NRIP1: variants seen among roughly 807,000 people sequenced by gnomAD.
NRIP1 encodes the protein nuclear receptor interacting protein 1, also known as nuclear receptor-interacting protein 1.
NRIP1 carries 28 observed loss-of-function variants against 75.0 expected under a neutral mutation model. The ratio of observed to expected loss-of-function variants is 0.37; its 90% CI spans 0.28 to 0.51. NRIP1 has a LOEUF of 0.51. Ranked by LOEUF, NRIP1 falls within the 20% of genes least tolerant of loss-of-function variation. The probability of loss-of-function intolerance (pLI) is 0.92; values close to 1 mark genes in which losing one functional copy is unlikely to be tolerated. For missense variants in NRIP1, 1,435 were observed against 1,343.7 expected (o/e 1.07, Z -1.06); for synonymous variants, 526 against 487.6 (o/e 1.08, Z -1.04).
intron 2 of NRIP1, among the ~76,000 whole-genome samples, chr21:15,027,435 AC>A (rs776223764): frequency 2.0e-5 from 3 of 152,228 alleles, no homozygotes; most frequent in Non-Finnish European, 4.4e-5. Flanking sequence ...AATAATTTTC[AC>A]ACATGAACAA....
intron 3 of NRIP1, among the ~76,000 whole-genome samples, chr21:14,980,809 ATAAAT>A (rs1449187168): frequency 6.6e-6 from 1 of 152,148 alleles, no homozygotes; most frequent in African/African-American, 2.4e-5. Context: ...CATATTTTTG[ATAAAT>A]TAAATACCTT....
chr21:15,017,009 T>TGAAG (rs202130112), intron 2 of NRIP1, among the ~76,000 whole-genome samples: 35 of 149,726 alleles, frequency 2.3e-4, no homozygotes, highest in East Asian at 9.8e-4. Context: ...AAGAAAAGAA[T>TGAAG]GAAGGAAGGA....
intron 1 of NRIP1, among the ~76,000 whole-genome samples, chr21:15,047,299 T>TG (rs1463411350): frequency 6.6e-6 from 1 of 151,236 alleles, no homozygotes; most frequent in Non-Finnish European, 1.5e-5. Flanking sequence ...TCCAGCACTT[T>TG]GGGAGGCCGA....
At chr21:15,000,323 G>A (rs1272308845) in intron 3 of NRIP1, among the ~76,000 whole-genome samples, 2 of 152,146 alleles carry the variant, frequency 1.3e-5, no homozygotes, top group Non-Finnish European at 2.9e-5. Context: ...AGGGGAAGGT[G>A]GTTGAGGATT....
At chr21:14,998,984 GT>G (rs1453829729) in intron 3 of NRIP1, among the ~76,000 whole-genome samples, 1 of 152,100 alleles carries the variant, frequency 6.6e-6, no homozygotes, top group African/African-American at 2.4e-5. Flanking sequence ...GTATTCACAA[GT>G]TTATTCCAGT....
chr21:15,009,863 A>G (rs1481320902), intron 3 of NRIP1, among the ~76,000 whole-genome samples: 5 of 152,228 alleles, frequency 3.3e-5, no homozygotes, highest in East Asian at 1.9e-4. Flanking sequence ...TAAAAAGACA[A>G]TAAAAGTGAG....
intron 1 of NRIP1, among the ~76,000 whole-genome samples, chr21:15,046,292 T>C (rs546439005): frequency 1.8e-4 from 28 of 152,246 alleles, no homozygotes; most frequent in Admixed American, 1.8e-3. Context: ...ATAGATGTTG[T>C]ATTAGCAGCC....
chr21:15,025,255 A>G (rs2088488712), intron 2 of NRIP1, among the ~76,000 whole-genome samples: 1 of 152,144 alleles, frequency 6.6e-6, no homozygotes, highest in African/African-American at 2.4e-5. Context: ...AAGTAACACT[A>G]AGGATCATGG....
chr21:15,034,492 T>C (rs985388294), intron 2 of NRIP1, among the ~76,000 whole-genome samples: 13 of 152,194 alleles, frequency 8.5e-5, no homozygotes, highest in Non-Finnish European at 1.5e-4. Context: ...GAAAACTGTT[T>C]TCCTGGGGGG....
chr21:14,973,440 G>A (rs1428848213), intron 3 of NRIP1, among the ~76,000 whole-genome samples: 1 of 151,842 alleles, frequency 6.6e-6, no homozygotes. Context: ...CATCTTTTAT[G>A]AACACTAAAA....
Position 14,963,158 on chromosome 21 carries a change from C to T in NRIP1, c.*1558G>A, listed in dbSNP as rs1219496345. 3 of 152,332 alleles carry T rather than the reference C, an allele frequency of 2.0e-5. No homozygotes were observed. Among genetic ancestry groups the T allele is most frequent in the South Asian group, 4.1e-4 (2 of 4,830 alleles). 9.4% of individuals were successfully genotyped at this position (152,332 alleles called of 1,614,324 possible). On this transcript the variant is annotated 3_prime_UTR_variant, in exon 4 of 4. Coordinates refer to ENST00000318948, the MANE Select transcript of NRIP1 (RefSeq NM_003489.4). ...TACAATTCTGTCACGTATATGTGCC[C>T]TTTGTACTTTTTATTTAGTCAATCT... is the stretch of plus-strand genomic sequence containing the variant.
At position 15,032,867 on chromosome 21, in the gene NRIP1, ATAAAG is replaced by A. The variant is rs376524704; in HGVS notation, c.-458+10623_-458+10627del. 4.6e-5 allele frequency among the ~76,000 whole-genome samples: 7 copies of A among 152,372 alleles called. No homozygotes were observed. The East Asian group carries it at 1.3e-3, about 29-fold the overall frequency. The stretch of plus-strand genomic sequence containing the variant: ...GATGTAAAAATGATTTTACAAAAAT[ATAAAG>A]TAGTCTGTTTGATTTCAAATATGGT... On this transcript the variant is annotated intron_variant, in intron 2 of 3. Coordinates refer to ENST00000318948, the MANE Select transcript of NRIP1 (RefSeq NM_003489.4).
chr21:14,981,324 C>T (rs2087226656), intron 3 of NRIP1, among the ~76,000 whole-genome samples: 1 of 152,148 alleles, frequency 6.6e-6, no homozygotes. Flanking sequence ...TCTTATTTGC[C>T]CATCTATCCA....
intron 3 of NRIP1, among the ~76,000 whole-genome samples, chr21:15,005,835 T>A (rs143883819): frequency 6.6e-6 from 1 of 152,172 alleles, no homozygotes; most frequent in Admixed American, 6.5e-5. Flanking sequence ...GGGGCAGTTA[T>A]TAGTTCTCAA....
At chr21:14,990,175 C>A (rs1227979566) in intron 3 of NRIP1, among the ~76,000 whole-genome samples, 3 of 152,218 alleles carry the variant, frequency 2.0e-5, no homozygotes, top group African/African-American at 7.2e-5. Flanking sequence ...AGCATGTACT[C>A]TTTCCCTCTC....
At chr21:15,047,877 T>G (rs1489787803) in intron 1 of NRIP1, among the ~76,000 whole-genome samples, 2 of 152,246 alleles carry the variant, frequency 1.3e-5, no homozygotes, top group Non-Finnish European at 2.9e-5. Flanking sequence ...TTGACATGCC[T>G]TCCTCACTGA....
At chr21:14,983,197 A>G (rs1457550664) in intron 3 of NRIP1, among the ~76,000 whole-genome samples, 2 of 151,662 alleles carry the variant, frequency 1.3e-5, no homozygotes, top group Non-Finnish European at 2.9e-5. Context: ...GCACCAGTTA[A>G]CCAAATTGCA....
chr21:15,064,570 G>A (rs1007566718), intron 1 of NRIP1, among the ~76,000 whole-genome samples, 175 bp downstream of exon 1: 1 of 151,262 alleles, frequency 6.6e-6, no homozygotes, highest in Admixed American at 6.6e-5. Flanking sequence ...AGAACCCGGA[G>A]ACTCGAACCA....
chr21:15,063,878 C>A (rs1285419052), intron 1 of NRIP1, among the ~76,000 whole-genome samples: 1 of 152,228 alleles, frequency 6.6e-6, no homozygotes, highest in Non-Finnish European at 1.5e-5. Context: ...GTAGAAACTC[C>A]TGGAATGCTT....
Sources: allele counts gnomAD v4.1 joint callset (sites outside exome capture counted in the v4.1 genomes callset), GRCh38; gene constraint gnomAD v4.1.1; transcripts MANE v1.5; gene names NCBI Gene and HGNC (gene_info 2026-07-23, HGNC 2026-07-21).